C9: variants seen among roughly 807,000 people sequenced by gnomAD.
C9 encodes complement component C9.
In C9, 63 loss-of-function variants were observed where a neutral mutation model predicts 65.4. The ratio of observed to expected loss-of-function variants is 0.96; its 90% CI spans 0.79 to 1.19. The LOEUF (loss-of-function observed/expected upper bound fraction) is 1.19, where lower values mean the gene tolerates loss of function less well. Ranked by LOEUF, C9 falls within the 50% of genes most tolerant of loss-of-function variation. C9 has a pLI of 0.00. For missense variants in C9, 744 were observed against 670.1 expected (o/e 1.11, Z -1.22); for synonymous variants, 229 against 227.9 (o/e 1.00, Z -0.04).
At chr5:39,329,451 A>G (rs1331452993) in intron 5 of C9, among the ~76,000 whole-genome samples, 3 of 152,202 alleles carry the variant, frequency 2.0e-5, no homozygotes, top group Admixed American at 2.0e-4. Context: ...CACAATGATG[A>G]TAAGTAATTT....
intron 10 of C9, among the ~76,000 whole-genome samples, chr5:39,288,038 A>G (rs867774784): frequency 1.3e-5 from 2 of 151,970 alleles, no homozygotes; most frequent in Non-Finnish European, 2.9e-5. Context: ...ACAATACAGA[A>G]TCTCAGCTTT....
Position 39,311,370 on chromosome 5 carries a change from A to AT in C9, c.877dup (p.Met293AsnfsTer30). 1 of 1,612,086 alleles carries AT rather than the reference A, an allele frequency of 6.2e-7. No homozygotes were observed. Among genetic ancestry groups the AT allele is most frequent in the Non-Finnish European group, 8.5e-7 (1 of 1,179,070 alleles). On this transcript the variant is annotated frameshift_variant, in exon 7 of 11. Coordinates refer to ENST00000263408, the MANE Select transcript of C9 (RefSeq NM_001737.5). LOFTEE classifies it high-confidence loss of function. The stretch of plus-strand genomic sequence containing the variant: ...AATTTCTCCTTTCACATGCAGAAAC[A>AT]TTTTTTCCTGTGTTGTAGAGCAGAT...
At chr5:39,304,306 G>A (rs1753337157) in intron 9 of C9, among the ~76,000 whole-genome samples, 1 of 152,026 alleles carries the variant, frequency 6.6e-6, no homozygotes, top group Admixed American at 6.6e-5. Flanking sequence ...ATTTAATATT[G>A]ACCAGTTTAT....
intron 9 of C9, among the ~76,000 whole-genome samples, chr5:39,300,447 A>G (rs777424316): frequency 1.8e-4 from 27 of 152,028 alleles, no homozygotes; most frequent in Non-Finnish European, 3.7e-4. Context: ...GCAAAAAGAA[A>G]AGAAAAAGAA....
At position 39,291,125 on chromosome 5, in the gene C9, A is replaced by G. The variant is rs546141813; in HGVS notation, c.1417-2174T>C. On this transcript the variant is annotated intron_variant, in intron 9 of 10. Coordinates refer to ENST00000263408, the MANE Select transcript of C9 (RefSeq NM_001737.5). Reference sequence around the variant, plus strand: ...GAAATTATGGAAAATAGAAACAGCTATGGTGGCTGCCAATGTTTGTGCTAT... The same window carrying G: ...GAAATTATGGAAAATAGAAACAGCTGTGGTGGCTGCCAATGTTTGTGCTAT... Among the ~76,000 whole-genome samples, 4 of 152,068 alleles carry G rather than the reference A, an allele frequency of 2.6e-5. No individual in the cohort carries two copies. In the East Asian group the frequency reaches 7.7e-4, roughly 29 times the overall value.
intron 5 of C9, among the ~76,000 whole-genome samples, chr5:39,324,694 AG>A (rs1329368135): frequency 6.6e-6 from 1 of 152,192 alleles, no homozygotes; most frequent in African/African-American, 2.4e-5. Context: ...CCATGCGAAA[AG>A]AAGTCTAGGC....
intron 1 of C9, among the ~76,000 whole-genome samples, chr5:39,351,465 T>C (rs947099528): frequency 6.6e-6 from 1 of 152,218 alleles, no homozygotes; most frequent in Non-Finnish European, 1.5e-5. Flanking sequence ...TTTTACACAT[T>C]CCTTCCCATT....
Position 39,316,002 on chromosome 5 carries a change from C to T in C9, c.643G>A (p.Glu215Lys), listed in dbSNP as rs956317953. Reference protein sequence around the residue: ...ETKGEKNFRTEHYEEQIEAFK... With the variant: ...ETKGEKNFRTKHYEEQIEAFK... ...GCTTCAATTTGTTCTTCGTAATGTTCGGTTCTGAAATTTTTCTCGCCTTTG... is the reference window on the plus strand; with the variant it reads ...GCTTCAATTTGTTCTTCGTAATGTTTGGTTCTGAAATTTTTCTCGCCTTTG... The change falls in exon 6 of 11, where the codon GAA becomes AAA. Residue 215 changes from glutamate (E) to lysine (K), a missense_variant. Coordinates refer to ENST00000263408, the MANE Select transcript of C9 (RefSeq NM_001737.5). 27 of 1,612,086 alleles carry T rather than the reference C, an allele frequency of 1.7e-5. No homozygotes were observed. The African/African-American group carries it at 2.5e-4, about 15-fold the overall frequency.
intron 5 of C9, 132 bp downstream of exon 5, chr5:39,331,544 C>A: frequency 1.3e-6 from 1 of 798,280 alleles, no homozygotes; most frequent in Non-Finnish European, 2.2e-6. Flanking sequence ...AACTACATCG[C>A]CTCTTCTTTA....
At chr5:39,325,030 G>C (rs696756) in intron 5 of C9, among the ~76,000 whole-genome samples, 2,821 of 152,232 alleles carry the variant, frequency 0.019, 95 homozygotes, top group African/African-American at 0.065. Context: ...AGATAGACAC[G>C]ATCAAGAAAT....
chr5:39,292,485 A>T (rs925919014), intron 9 of C9, among the ~76,000 whole-genome samples: 1 of 151,878 alleles, frequency 6.6e-6, no homozygotes, highest in African/African-American at 2.4e-5. Flanking sequence ...AGAAATGCCA[A>T]AGGAAATTTT....
At position 39,341,209 on chromosome 5, in the gene C9, G is replaced by T. The variant is rs755359416; in HGVS notation, c.413C>A (p.Pro138His). The T allele has an allele frequency of 6.2e-7, 1 of 1,613,958 alleles. No individual in the cohort carries two copies. The highest frequency in any genetic ancestry group is 2.2e-5 in the East Asian group (1 of 44,882). Reference protein sequence around the residue: ...FSDEDDCESEPRPPCRDRVVE... With the variant: ...FSDEDDCESEHRPPCRDRVVE... ...CACTCTGTCTCTGCAGGGGGGACGG[G>T]GCTCACTTTCACAATCATCCTCATC... The change falls in exon 4 of 11, where the codon CCC becomes CAC. Residue 138 changes from proline (P) to histidine (H), a missense_variant. Transcript: ENST00000263408.
At chr5:39,318,097 T>G (rs887471479) in intron 5 of C9, among the ~76,000 whole-genome samples, 3 of 147,450 alleles carry the variant, frequency 2.0e-5, no homozygotes, top group East Asian at 2.0e-4. Flanking sequence ...ATTTTATGGG[T>G]TTTTTTTTTA....
chr5:39,358,943 C>T (rs2111988383), intron 1 of C9, among the ~76,000 whole-genome samples: 3 of 150,704 alleles, frequency 2.0e-5, no homozygotes, highest in Admixed American at 2.0e-4. Context: ...CGAGATCGCG[C>T]CACTGCACTC....
intron 1 of C9, among the ~76,000 whole-genome samples, chr5:39,351,087 T>C (rs1321076699): frequency 1.3e-5 from 2 of 152,178 alleles, no homozygotes; most frequent in Admixed American, 6.5e-5. Flanking sequence ...CCCAACACCA[T>C]GTGGAAGCCA....
chr5:39,300,248 C>G (rs749517941), intron 9 of C9, among the ~76,000 whole-genome samples: 2 of 151,944 alleles, frequency 1.3e-5, no homozygotes, highest in African/African-American at 2.4e-5. Flanking sequence ...CCTGTTTCTA[C>G]TAAAAATACA....
At chr5:39,298,549 A>C (rs1302314063) in intron 9 of C9, among the ~76,000 whole-genome samples, 2 of 151,730 alleles carry the variant, frequency 1.3e-5, no homozygotes, top group African/African-American at 4.8e-5. Flanking sequence ...AATTGATAAA[A>C]ACTGAATCAG....
chr5:39,318,727 AGTG>A (rs1753616363), intron 5 of C9, among the ~76,000 whole-genome samples: 1 of 152,064 alleles, frequency 6.6e-6, no homozygotes, highest in African/African-American at 2.4e-5. Context: ...TTTAGTATTG[AGTG>A]GTTGTTCTGC....
At chr5:39,308,087 G>A in intron 8 of C9, 143 bp downstream of exon 8, 1 of 776,844 alleles carries the variant, frequency 1.3e-6, no homozygotes, top group Non-Finnish European at 2.3e-6. Context: ...GGTGTTTATA[G>A]TGGTTTGAAA....
Sources: gnomAD v4.1 joint callset for allele counts (sites outside exome capture counted in the v4.1 genomes callset) on GRCh38, gnomAD v4.1.1 for gene constraint, MANE v1.5 for transcripts, NCBI Gene and HGNC (gene_info 2026-07-23, HGNC 2026-07-21) for gene names.